GRB10: variants seen among roughly 807,000 people sequenced by gnomAD.
GRB10 encodes the protein growth factor receptor bound protein 10, also known as growth factor receptor-bound protein 10.
GRB10 carries 20 observed loss-of-function variants against 80.9 expected under a neutral mutation model. That is an observed-to-expected ratio of 0.25 (90% confidence interval 0.17 to 0.36). The LOEUF (loss-of-function observed/expected upper bound fraction) is 0.36. Among genes scored for constraint, GRB10 ranks in the 10% least tolerant of loss-of-function variants. GRB10 has a pLI of 1.00. For missense variants in GRB10, 548 were observed against 747.7 expected, an observed-to-expected ratio of 0.73 and a Z score of 3.12; for synonymous variants, 291 against 291.5, an observed-to-expected ratio of 1.00 and a Z score of 0.02.
intron 7 of GRB10, among the ~76,000 whole-genome samples, chr7:50,663,936 G>A (rs750140166): frequency 8.5e-5 from 13 of 152,240 alleles, no homozygotes; most frequent in Non-Finnish European, 1.6e-4. Context: ...AGCCCACACA[G>A]TGCTTACAGA....
intron 4 of GRB10, chr7:50,705,375 C>T: frequency 1.3e-6 from 1 of 763,924 alleles, no homozygotes; most frequent in Non-Finnish European, 1.6e-6. Flanking sequence ...GAGACATTTT[C>T]ACCAGCTTCT....
chr7:50,633,917 A>ATAGG (rs1308135423), intron 7 of GRB10, among the ~76,000 whole-genome samples: 2 of 152,206 alleles, frequency 1.3e-5, no homozygotes, highest in Non-Finnish European at 2.9e-5. Context: ...CCTAGGACTT[A>ATAGG]TAGGTATTCC....
At chr7:50,755,627 G>A (rs576110084) in intron 3 of GRB10, among the ~76,000 whole-genome samples, 4 of 152,212 alleles carry the variant, frequency 2.6e-5, no homozygotes, top group South Asian at 4.2e-4. Context: ...GAGAGTGTGC[G>A]CAGCCCGGCT....
intron 2 of GRB10, chr7:50,761,909 AG>A (rs1360727604): frequency 6.6e-6 from 1 of 152,222 alleles, no homozygotes; most frequent in Non-Finnish European, 1.5e-5. Context: ...CTCTTCCTCC[AG>A]CCACATAAAA....
At chr7:50,710,928 T>C (rs762518192) in intron 4 of GRB10, 6 of 1,611,662 alleles carry the variant, frequency 3.7e-6, no homozygotes, top group Non-Finnish European at 5.1e-6. Flanking sequence ...TCTCTCCCTC[T>C]CTCTACAGTG....
chr7:50,596,416 A>G (rs2046660902), intron 17 of GRB10, among the ~76,000 whole-genome samples: 1 of 152,240 alleles, frequency 6.6e-6, no homozygotes, highest in Non-Finnish European at 1.5e-5. Flanking sequence ...GAATCTCACC[A>G]TGAGTGAGGA....
intron 4 of GRB10, among the ~76,000 whole-genome samples, chr7:50,716,289 A>T (rs2066864568): frequency 6.6e-6 from 1 of 152,236 alleles, no homozygotes; most frequent in African/African-American, 2.4e-5. Flanking sequence ...CTCTGGGCCC[A>T]GCTAACAAAG....
Position 50,774,999 on chromosome 7 carries a change from AC to A in GRB10, c.-217+5627del, listed in dbSNP as rs201445309. On this transcript the variant is annotated intron_variant, in intron 2 of 18. Transcript: ENST00000401949. ...TCTCTAATACCAAAAACAAAACAAA[AC>A]AAAAAAAAAAACTAGCTGGGCGTGA... 5.8e-4 allele frequency among the ~76,000 whole-genome samples: 85 copies of A among 146,928 alleles called. 1 individual carries two copies. The highest frequency in any genetic ancestry group is 2.0e-3 in the East Asian group (10 of 4,966).
At chr7:50,726,935 G>A (rs1185765027) in intron 4 of GRB10, 9 of 152,152 alleles carry the variant, frequency 5.9e-5, no homozygotes, top group Non-Finnish European at 1.2e-4. Flanking sequence ...TAGGAGAGAT[G>A]GTCTTTTTCT....
chr7:50,667,437 GGAA>G (rs2059928617), intron 7 of GRB10, among the ~76,000 whole-genome samples: 1 of 152,058 alleles, frequency 6.6e-6, no homozygotes, highest in Admixed American at 6.6e-5. Context: ...TTGAATGAAG[GGAA>G]GAAGAACATC....
intron 2 of GRB10, among the ~76,000 whole-genome samples, chr7:50,772,688 A>G (rs1444031392): frequency 6.6e-6 from 1 of 152,266 alleles, no homozygotes; most frequent in East Asian, 1.9e-4. Context: ...TTATATGGAC[A>G]TTGGATTTGA....
intron 4 of GRB10, among the ~76,000 whole-genome samples, chr7:50,711,385 C>T (rs957309413): frequency 6.6e-6 from 1 of 152,074 alleles, no homozygotes; most frequent in Non-Finnish European, 1.5e-5. Context: ...AGGCAGTTTC[C>T]CAAACCCCTC....
chr7:50,637,696 A>G (rs1487151119), intron 7 of GRB10, among the ~76,000 whole-genome samples: 1 of 136,676 alleles, frequency 7.3e-6, no homozygotes, highest in Non-Finnish European at 1.6e-5. Flanking sequence ...TTAGAAAAAA[A>G]GATTGTAAAG....
intron 7 of GRB10, among the ~76,000 whole-genome samples, chr7:50,636,206 T>A (rs551090972): frequency 2.6e-5 from 4 of 152,202 alleles, no homozygotes; most frequent in African/African-American, 9.6e-5. Flanking sequence ...CTCGAACTCA[T>A]GAGCTCAGGT....
At chr7:50,685,602 T>A (rs2062022121) in intron 5 of GRB10, among the ~76,000 whole-genome samples, 1 of 152,064 alleles carries the variant, frequency 6.6e-6, no homozygotes, top group Admixed American at 6.6e-5. Context: ...CTTGGCAGAG[T>A]TCATGACGCT....
At chr7:50,730,740 G>C (rs955667210) in intron 4 of GRB10, among the ~76,000 whole-genome samples, 9 of 152,200 alleles carry the variant, frequency 5.9e-5, no homozygotes, top group African/African-American at 2.2e-4. Flanking sequence ...CAGCTTGTAA[G>C]TCTGCCACTT....
At chr7:50,718,820 G>A (rs1053222549) in intron 4 of GRB10, among the ~76,000 whole-genome samples, 1 of 152,114 alleles carries the variant, frequency 6.6e-6, no homozygotes, top group African/African-American at 2.4e-5. Context: ...AGCAAGAGGG[G>A]TCCTGCAATT....
intron 12 of GRB10, among the ~76,000 whole-genome samples, chr7:50,614,104 A>AG (rs1474120126): frequency 6.6e-6 from 1 of 152,228 alleles, no homozygotes; most frequent in African/African-American, 2.4e-5. Flanking sequence ...CAACCTCATC[A>AG]GGGGAAAAGG....
At chr7:50,648,562 G>A (rs920508266) in intron 7 of GRB10, among the ~76,000 whole-genome samples, 1 of 152,150 alleles carries the variant, frequency 6.6e-6, no homozygotes, top group East Asian at 1.9e-4. Context: ...TTGCCTTTGG[G>A]AATCCTTATC....
Sources: gnomAD v4.1 joint callset for allele counts (sites outside exome capture counted in the v4.1 genomes callset) on GRCh38, gnomAD v4.1.1 for gene constraint, MANE v1.5 for transcripts, NCBI Gene and HGNC (gene_info 2026-07-23, HGNC 2026-07-21) for gene names.